CDK1: variants seen among roughly 807,000 people sequenced by gnomAD.
The protein encoded by CDK1 is cyclin-dependent kinase 1.
CDK1 carries 5 observed loss-of-function variants against 34.6 expected under a neutral mutation model. The ratio of observed to expected loss-of-function variants is 0.14; its 90% CI spans 0.08 to 0.30. The LOEUF is 0.30. Ranked by LOEUF, CDK1 falls within the 10% of genes least tolerant of loss-of-function variation. The pLI is 1.00. For missense variants in CDK1, 157 were observed against 345.7 expected (o/e 0.45, Z 4.33); for synonymous variants, 108 against 114.7 (o/e 0.94, Z 0.37).
chr10:60,778,838 G>A (rs2080246651), intron 1 of CDK1, among the ~76,000 whole-genome samples: 1 of 152,240 alleles, frequency 6.6e-6, no homozygotes, highest in Admixed American at 6.5e-5. Context: ...GCAGTCATGA[G>A]TCGAGGTCGG....
intron 7 of CDK1, among the ~76,000 whole-genome samples, chr10:60,792,768 G>T (rs1361096206): frequency 6.6e-6 from 1 of 151,972 alleles, no homozygotes; most frequent in Non-Finnish European, 1.5e-5. Context: ...TGGTCTTCGG[G>T]TTACTTTCAG....
intron 5 of CDK1, among the ~76,000 whole-genome samples, chr10:60,790,317 C>T (rs1464353242): frequency 1.3e-5 from 2 of 152,174 alleles, no homozygotes; most frequent in African/African-American, 2.4e-5. Flanking sequence ...GAACAGGGCT[C>T]ACTGCAACCT....
rs745660582 is a variant in CDK1, at chr10:60,784,740, A to C, written c.73A>C (p.Thr25Pro). 6.2e-7 allele frequency: 1 copy of C among 1,613,278 alleles called. No individual in the cohort carries two copies. The highest frequency in any genetic ancestry group is 1.1e-5 in the South Asian group (1 of 91,050). The change falls in exon 3 of 8, where the codon ACT (threonine) becomes CCT (proline). Residue 25 changes from threonine (T) to proline (P), a missense_variant. Thr to Pro is a conservative substitution (Grantham distance 38, BLOSUM62 -1). This residue lies in a region of CDK1 where 53 missense variants were observed against 89.2 expected (regional missense o/e 0.59). Coordinates refer to ENST00000395284, the MANE Select transcript of CDK1 (RefSeq NM_001786.5). ...AGTTGTGTATAAGGGTAGACACAAA[A>C]CTACAGGTCAAGTGGTAGCCATGAA... is the stretch of plus-strand genomic sequence containing the variant. ...YGVVYKGRHK[T>P]TGQVVAMKKI...
intron 3 of CDK1, 99 bp from the exon 4 acceptor site, chr10:60,785,565 T>A (rs939101129): frequency 1.4e-6 from 1 of 737,606 alleles, no homozygotes; most frequent in South Asian, 2.4e-5. Context: ...TTCCCCAGTT[T>A]TTATTATAGC....
At chr10:60,793,360 T>C (rs934687349) in intron 7 of CDK1, among the ~76,000 whole-genome samples, 27 of 152,088 alleles carry the variant, frequency 1.8e-4, no homozygotes, top group African/African-American at 6.3e-4. Context: ...TATTTAGCTT[T>C]TTCTGGCGCG....
chr10:60,790,919 G>A (rs531226456), intron 5 of CDK1, among the ~76,000 whole-genome samples: 2 of 152,058 alleles, frequency 1.3e-5, no homozygotes, highest in East Asian at 1.9e-4. Context: ...ATGATGTTTC[G>A]GTTACTATAG....
chr10:60,791,753 C>T, intron 5 of CDK1, 137 bp from the exon 6 acceptor site: 9 of 493,158 alleles, frequency 1.8e-5, no homozygotes, highest in Admixed American at 7.5e-5. Flanking sequence ...TTTTGTGTAC[C>T]TTTAATTGAC....
rs1041048243 is a variant in CDK1, at chr10:60,787,010, C to G, written c.319-1050C>G. 4.2e-5 allele frequency: 41 copies of G among 979,090 alleles called. No homozygotes were observed. In the African/African-American group the frequency reaches 6.6e-4, roughly 16 times the overall value. 60.7% of individuals were successfully genotyped at this position (979,090 alleles called of 1,614,324 possible). A position where few individuals can be genotyped will look rare whatever the true frequency, so the allele number is the denominator to read the frequency against. The stretch of plus-strand genomic sequence containing the variant: ...ACACATACTTTTTTTGTCTTAAATT[C>G]TGTATTAAGATTTATTTTGACTTAA... On this transcript the variant is annotated intron_variant, in intron 4 of 7. Transcript: ENST00000395284.
At chr10:60,788,026 G>T in intron 4 of CDK1, 34 bp from the exon 5 acceptor site, 3 of 1,117,152 alleles carry the variant, frequency 2.7e-6, no homozygotes, top group Admixed American at 2.8e-5. Context: ...CATGTACTTC[G>T]CTTAAGTTTC....
Position 60,785,797 on chromosome 10 carries a change from T to G in CDK1, c.318+10T>G. ...TTCTTCACTTGTTAAGGTAAAAGCT[T>G]AACTAATTTTATTAATATTTATGCA... On this transcript the variant is annotated intron_variant, in intron 4 of 7. Coordinates refer to ENST00000395284, the MANE Select transcript of CDK1 (RefSeq NM_001786.5). 6.3e-7 allele frequency: 1 copy of G among 1,578,900 alleles called. No individual in the cohort carries two copies. The highest frequency in any genetic ancestry group is 8.6e-7 in the Non-Finnish European group (1 of 1,159,626).
chr10:60,789,874 C>T (rs1478956084), intron 5 of CDK1, among the ~76,000 whole-genome samples: 1 of 152,144 alleles, frequency 6.6e-6, no homozygotes, highest in Non-Finnish European at 1.5e-5. Context: ...ACCAACAGTG[C>T]GTAAAAAGTT....
intron 5 of CDK1, among the ~76,000 whole-genome samples, chr10:60,790,290 C>T (rs2080350451): frequency 1.3e-5 from 2 of 152,126 alleles, no homozygotes; most frequent in Admixed American, 1.3e-4. Context: ...GTCACCCATG[C>T]TGGAATGCAG....
At chr10:60,783,151 C>CA (rs1348357363) in intron 2 of CDK1, among the ~76,000 whole-genome samples, 1 of 151,914 alleles carries the variant, frequency 6.6e-6, no homozygotes, top group Non-Finnish European at 1.5e-5. Context: ...AATTTACATC[C>CA]AAAAAAATGT....
Position 60,788,297 on chromosome 10 carries a change from G to C in CDK1, c.489+67G>C, listed in dbSNP as rs752208855. 6 of 1,137,038 alleles carry C rather than the reference G, an allele frequency of 5.3e-6. No homozygotes were observed. The Admixed American group carries it at 1.3e-4, about 24-fold the overall frequency. 70.4% of individuals were successfully genotyped at this position (1,137,038 alleles called of 1,614,324 possible). On this transcript the variant is annotated intron_variant, in intron 5 of 7. Transcript: ENST00000395284. ...GATTGCTAGATTATTTTCTGTATTT[G>C]TGAAAGTCAAGAAATAACTCAATAA...
chr10:60,793,382 A>G (rs1394449077), intron 7 of CDK1, among the ~76,000 whole-genome samples: 2 of 152,052 alleles, frequency 1.3e-5, no homozygotes, highest in Admixed American at 1.3e-4. Flanking sequence ...AAACTAACAT[A>G]CTAAGTTGTG....
chr10:60,787,128 C>G (rs887628178), intron 4 of CDK1: 2 of 936,560 alleles, frequency 2.1e-6, no homozygotes, highest in African/African-American at 1.8e-5. Context: ...GTTTTACTTA[C>G]AATTTTTCAG....
chr10:60,784,944 T>C (rs2080302856), intron 3 of CDK1, 83 bp downstream of exon 3: 4 of 1,331,122 alleles, frequency 3.0e-6, no homozygotes, highest in Non-Finnish European at 4.2e-6. Context: ...TTACATTTGC[T>C]CAATTTCTTG....
At position 60,778,568 on chromosome 10, in the gene CDK1, C is replaced by G. The variant is rs999762087; in HGVS notation, c.-28C>G. ...CTGCGGCCGCCGCGGAATAATAAGCCGGGTACAGTGGCTGGGGTCAGGGTC... is the reference window on the plus strand; with the variant it reads ...CTGCGGCCGCCGCGGAATAATAAGCGGGGTACAGTGGCTGGGGTCAGGGTC... On this transcript the variant is annotated splice_region_variant and 5_prime_UTR_variant, in exon 1 of 8. Coordinates refer to ENST00000395284, the MANE Select transcript of CDK1 (RefSeq NM_001786.5). 1.3e-5 allele frequency: 2 copies of G among 152,300 alleles called. No homozygotes were observed. The highest frequency in any genetic ancestry group is 4.8e-5 in the African/African-American group (2 of 41,450). The allele number at this position is 152,300 out of a possible 1,614,324, so 9.4% of individuals were successfully genotyped here. A position where few individuals can be genotyped will look rare whatever the true frequency, so the allele number is the denominator to read the frequency against.
intron 1 of CDK1, 88 bp from the exon 2 acceptor site, chr10:60,780,053 G>A (rs2080258559): frequency 1.4e-6 from 1 of 710,992 alleles, no homozygotes; most frequent in Non-Finnish European, 2.6e-6. Flanking sequence ...AGGCACTGTG[G>A]AAAATGCTTT....
Sources: allele counts gnomAD v4.1 joint callset (sites outside exome capture counted in the v4.1 genomes callset), GRCh38; gene constraint gnomAD v4.1.1; regional missense constraint gnomAD v4.1.1; transcripts MANE v1.5; gene names NCBI Gene and HGNC (gene_info 2026-07-23, HGNC 2026-07-21).